Variants in ABCA12 observed in about 807,000 individuals in gnomAD.
ABCA12 encodes the protein glucosylceramide transporter ABCA12.
ABCA12 carries 156 observed loss-of-function variants against 293.5 expected under a neutral mutation model. The observed-to-expected ratio is 0.53, with a 90% confidence interval of 0.47 to 0.61. The LOEUF is 0.61. Among genes scored for constraint, ABCA12 ranks in the 20% least tolerant of loss-of-function variants. ABCA12 has a pLI of 0.00. For missense variants in ABCA12, 2,797 were observed against 3,090.2 expected (o/e 0.91, Z 2.25); for synonymous variants, 1,063 against 1,108.0 (o/e 0.96, Z 0.81).
chr2:215,121,612 A>G (rs1474205726), intron 1 of ABCA12, among the ~76,000 whole-genome samples: 1 of 152,092 alleles, frequency 6.6e-6, no homozygotes, highest in Non-Finnish European at 1.5e-5. Flanking sequence ...GGAGTTCTCA[A>G]TTAGTCTTTC....
At chr2:215,110,446 G>A (rs1702549007) in intron 2 of ABCA12, among the ~76,000 whole-genome samples, 1 of 152,170 alleles carries the variant, frequency 6.6e-6, no homozygotes, top group African/African-American at 2.4e-5. Context: ...AGGAGGCAGA[G>A]CTTGCTTGCA....
At chr2:215,011,793 G>A in intron 16 of ABCA12, 144 bp from the exon 17 acceptor site, 1 of 1,147,580 alleles carries the variant, frequency 8.7e-7, no homozygotes, top group Non-Finnish European at 1.3e-6. Context: ...AAATGTAAAT[G>A]AAGAACAATA....
In ABCA12 at chr2:215,025,666, G is replaced by A; in HGVS notation, c.1287+7C>T. The A allele has an allele frequency of 1.6e-6, 2 of 1,219,206 alleles. No homozygotes were observed. The highest frequency in any genetic ancestry group is 2.3e-6 in the Non-Finnish European group (2 of 869,282). 75.5% of individuals were successfully genotyped at this position (1,219,206 alleles called of 1,614,324 possible). A position where few individuals can be genotyped will look rare whatever the true frequency, so the allele number is the denominator to read the frequency against. On this transcript the variant is annotated splice_region_variant and intron_variant, in intron 11 of 52. Coordinates refer to ENST00000272895, the MANE Select transcript of ABCA12 (RefSeq NM_173076.3). ...TTTTTTGTTTTTTTTTTACTTTCAT[G>A]GCTTACTTTTGATTTTAGGACTTCA...
intron 11 of ABCA12, chr2:215,022,929 T>C (rs1454155095): frequency 1.3e-5 from 2 of 152,104 alleles, no homozygotes; most frequent in Non-Finnish European, 2.9e-5. Flanking sequence ...AATCAGGAAG[T>C]TATTCTTCCC....
At chr2:214,959,548 G>C (rs548347346) in intron 39 of ABCA12, among the ~76,000 whole-genome samples, 15 of 152,204 alleles carry the variant, frequency 9.9e-5, no homozygotes, top group African/African-American at 3.6e-4. Flanking sequence ...GTCTGTGTTG[G>C]GGAAATAGTG....
chr2:215,030,435 A>G (rs1203357849), intron 9 of ABCA12, among the ~76,000 whole-genome samples: 1 of 148,476 alleles, frequency 6.7e-6, no homozygotes, highest in Non-Finnish European at 1.5e-5. Context: ...TCTACTAACA[A>G]TACAAAAAAA....
At chr2:214,988,569 A>T in intron 26 of ABCA12, among the ~76,000 whole-genome samples, 1 of 152,202 alleles carries the variant, frequency 6.6e-6, no homozygotes, top group East Asian at 1.9e-4. Context: ...ATGGAAAACT[A>T]AGCATGTTAG....
chr2:215,122,212 C>T (rs2105909269), intron 1 of ABCA12, among the ~76,000 whole-genome samples: 1 of 152,260 alleles, frequency 6.6e-6, no homozygotes, highest in Non-Finnish European at 1.5e-5. Flanking sequence ...TGGTTGACTA[C>T]ATTCATAAAA....
intron 2 of ABCA12, among the ~76,000 whole-genome samples, chr2:215,086,819 G>A (rs915603052): frequency 2.0e-5 from 3 of 152,122 alleles, no homozygotes; most frequent in Non-Finnish European, 4.4e-5. Flanking sequence ...ATTTTCATGT[G>A]TGGCAAACTG....
intron 49 of ABCA12, among the ~76,000 whole-genome samples, chr2:214,943,592 C>T (rs575082403): frequency 1.2e-4 from 19 of 152,240 alleles, no homozygotes; most frequent in South Asian, 4.1e-4. Flanking sequence ...CTGGAATACC[C>T]GCTCCATCAA....
chr2:215,018,829 T>A (rs1257497608), intron 13 of ABCA12, among the ~76,000 whole-genome samples: 2 of 152,230 alleles, frequency 1.3e-5, no homozygotes, highest in Non-Finnish European at 2.9e-5. Context: ...ATTCCAATTT[T>A]GTGGCTGCCC....
At chr2:214,975,661 G>T in intron 34 of ABCA12, 124 bp downstream of exon 34, 3 of 1,315,016 alleles carry the variant, frequency 2.3e-6, no homozygotes, top group Non-Finnish European at 3.3e-6. Flanking sequence ...CATTCCTTTA[G>T]CAGAATCAGG....
chr2:215,126,939 C>T (rs759889826), intron 1 of ABCA12, among the ~76,000 whole-genome samples: 1 of 152,006 alleles, frequency 6.6e-6, no homozygotes, highest in Admixed American at 6.6e-5. Flanking sequence ...GGGCTATGAG[C>T]TTTCTTGTTA....
chr2:214,977,394 A>G (rs992333257), intron 33 of ABCA12, among the ~76,000 whole-genome samples: 1 of 152,204 alleles, frequency 6.6e-6, no homozygotes, highest in African/African-American at 2.4e-5. Flanking sequence ...GAGAACTATG[A>G]CAGAGGACAA....
Position 214,978,443 on chromosome 2 carries a change from C to T in ABCA12, c.5001G>A (p.Glu1667=), listed in dbSNP as rs746149020. ...VEEVFLNLTK[E]SQKNSAMSLE... ...GACTCATAGCACTATTTTTTTGTGA[C>T]TCTTTGGTCAAGTTCAGAAAGACCT... is the stretch of plus-strand genomic sequence containing the variant. The change falls in exon 33 of 53, where the codon GAG becomes GAA. Residue 1667 remains glutamate (E), a synonymous_variant. Transcript: ENST00000272895. 1 of 1,613,524 alleles carries T rather than the reference C, an allele frequency of 6.2e-7. No homozygotes were observed. Among genetic ancestry groups the T allele is most frequent in the South Asian group, 1.1e-5 (1 of 91,016 alleles).
chr2:215,064,618 T>C (rs1026508129), intron 2 of ABCA12, among the ~76,000 whole-genome samples: 7 of 151,716 alleles, frequency 4.6e-5, no homozygotes, highest in East Asian at 1.9e-4. Context: ...ACAAAAAGTG[T>C]TTATGACACA....
chr2:215,006,892 T>G (rs1425275882), intron 19 of ABCA12, among the ~76,000 whole-genome samples: 4 of 51,546 alleles, frequency 7.8e-5, no homozygotes, highest in African/African-American at 2.8e-4. Flanking sequence ...TTTTTTTTTT[T>G]GAGATGGAGT....
At chr2:215,041,970 T>C (rs193233979) in intron 7 of ABCA12, among the ~76,000 whole-genome samples, 40 of 152,214 alleles carry the variant, frequency 2.6e-4, no homozygotes, top group Admixed American at 4.6e-4. Context: ...GTATCTAAAA[T>C]AGTTAAATTC....
intron 2 of ABCA12, among the ~76,000 whole-genome samples, chr2:215,068,406 A>G (rs1701674958): frequency 6.6e-6 from 1 of 152,180 alleles, no homozygotes; most frequent in African/African-American, 2.4e-5. Context: ...GCCATAGACA[A>G]TGGGTGCCTC....
Sources: gnomAD v4.1 joint callset for allele counts (sites outside exome capture counted in the v4.1 genomes callset) on GRCh38, gnomAD v4.1.1 for gene constraint, MANE v1.5 for transcripts, NCBI Gene and HGNC (gene_info 2026-07-23, HGNC 2026-07-21) for gene names.